The following GMDS variants were observed in gnomAD, a reference collection of about 807,000 sequenced individuals.
GMDS encodes GDP-mannose 4,6 dehydratase.
In GMDS, 20 loss-of-function variants were observed where a neutral mutation model predicts 49.9. The ratio of observed to expected loss-of-function variants is 0.40; its 90% CI spans 0.28 to 0.58. The LOEUF (loss-of-function observed/expected upper bound fraction) is 0.58. GMDS is among the 20% of genes least tolerant of loss of function. The pLI is 0.42. For synonymous variants in GMDS, 177 were observed against 178.6 expected, an observed-to-expected ratio of 0.99 and a Z score of 0.07; for missense variants, 362 against 481.4, an observed-to-expected ratio of 0.75 and a Z score of 2.32.
At chr6:1,953,778 C>G (rs932429399) in intron 6 of GMDS, among the ~76,000 whole-genome samples, 1 of 152,030 alleles carries the variant, frequency 6.6e-6, no homozygotes, top group South Asian at 2.1e-4. Flanking sequence ...TGGTAAATAA[C>G]ATATTTGAAA....
intron 7 of GMDS, among the ~76,000 whole-genome samples, chr6:1,860,426 G>A (rs1395335438): frequency 6.6e-6 from 1 of 152,102 alleles, no homozygotes; most frequent in Non-Finnish European, 1.5e-5. Flanking sequence ...AAAACATTAG[G>A]GCAGAAAACA....
chr6:1,667,736 G>T (rs1581433692), intron 9 of GMDS, among the ~76,000 whole-genome samples: 2 of 145,908 alleles, frequency 1.4e-5, no homozygotes, highest in East Asian at 2.0e-4. Context: ...CTTTTGTATT[G>T]TTTTGTAAGT....
At chr6:1,706,340 G>A (rs1213649294) in intron 9 of GMDS, among the ~76,000 whole-genome samples, 4 of 152,212 alleles carry the variant, frequency 2.6e-5, no homozygotes, top group Admixed American at 1.3e-4. Context: ...CACAGGCTTA[G>A]TGACTGATCA....
intron 7 of GMDS, among the ~76,000 whole-genome samples, chr6:1,891,865 T>G (rs2113841642): frequency 6.6e-6 from 1 of 152,260 alleles, no homozygotes; most frequent in African/African-American, 2.4e-5. Context: ...AGGGCTGAGG[T>G]CATATGACAA....
intron 8 of GMDS, among the ~76,000 whole-genome samples, chr6:1,732,448 C>A (rs1213121267): frequency 6.6e-6 from 1 of 152,110 alleles, no homozygotes; most frequent in Non-Finnish European, 1.5e-5. Context: ...TAAAACATAA[C>A]AATTGAGTAT....
At chr6:1,649,202 A>T (rs1763578121) in intron 9 of GMDS, among the ~76,000 whole-genome samples, 1 of 152,184 alleles carries the variant, frequency 6.6e-6, no homozygotes, top group Non-Finnish European at 1.5e-5. Flanking sequence ...ACTGTGATGT[A>T]CTGTCAGGAA....
At chr6:2,192,224 G>A (rs146134272) in intron 1 of GMDS, among the ~76,000 whole-genome samples, 175 of 152,156 alleles carry the variant, frequency 1.2e-3, no homozygotes, top group African/African-American at 3.7e-3. Context: ...CAGCTGCAGA[G>A]AGGAGCTACC....
At chr6:2,196,241 A>G (rs1436304379) in intron 1 of GMDS, among the ~76,000 whole-genome samples, 1 of 152,256 alleles carries the variant, frequency 6.6e-6, no homozygotes, top group Non-Finnish European at 1.5e-5. Context: ...TAAAACACGC[A>G]GATGCTATAT....
intron 9 of GMDS, among the ~76,000 whole-genome samples, chr6:1,709,881 C>G (rs564152523): frequency 9.2e-5 from 14 of 152,280 alleles, no homozygotes; most frequent in Admixed American, 7.8e-4. Flanking sequence ...TTGGGCTAAA[C>G]CTGCCTAACT....
At chr6:2,007,169 A>G (rs1767241719) in intron 4 of GMDS, among the ~76,000 whole-genome samples, 2 of 152,176 alleles carry the variant, frequency 1.3e-5, no homozygotes, top group Non-Finnish European at 2.9e-5. Flanking sequence ...AAAATACAGA[A>G]AAGTACCTCA....
intron 4 of GMDS, among the ~76,000 whole-genome samples, chr6:2,004,958 A>G (rs1767062472): frequency 6.6e-6 from 1 of 152,212 alleles, no homozygotes; most frequent in African/African-American, 2.4e-5. Flanking sequence ...CACAGTATCA[A>G]TCCACAGATT....
intron 4 of GMDS, among the ~76,000 whole-genome samples, chr6:2,000,005 T>TA (rs1554144082): frequency 4.9e-5 from 1 of 20,436 alleles, no homozygotes; most frequent in South Asian, 1.6e-3. Flanking sequence ...ATTATATATA[T>TA]ATATTTTTTA....
In GMDS at chr6:1,766,246, T is replaced by C. The variant is rs552343541; in HGVS notation, c.772-23660A>G. On this transcript the variant is annotated intron_variant, in intron 7 of 10. Coordinates refer to ENST00000380815, the MANE Select transcript of GMDS (RefSeq NM_001500.4). This position sits in a 1 kb window ranked among gnomAD's most constrained non-coding sequence, Gnocchi z 4.5. The stretch of plus-strand genomic sequence containing the variant: ...CAAGGAGAAGTTAGCTAATTTAAGC[T>C]GATGTGCATTGAGTCACTGGAAATT... Among the ~76,000 whole-genome samples the C allele has an allele frequency of 1.3e-5, 2 of 152,276 alleles. No individual in the cohort carries two copies. The highest frequency in any genetic ancestry group is 4.8e-5 in the African/African-American group (2 of 41,552).
intron 1 of GMDS, among the ~76,000 whole-genome samples, chr6:2,198,978 A>T (rs964793159): frequency 6.6e-5 from 10 of 152,214 alleles, no homozygotes; most frequent in Admixed American, 3.9e-4. Flanking sequence ...CCTTATATCA[A>T]GTGTTTGCCA....
At position 1,916,918 on chromosome 6, in the gene GMDS, G is replaced by A. The variant is rs565510821; in HGVS notation, c.771+13185C>T. Among the ~76,000 whole-genome samples, 8 of 150,976 alleles carry A rather than the reference G, an allele frequency of 5.3e-5. No homozygotes were observed. The East Asian group carries it at 7.8e-4, about 15-fold the overall frequency. On this transcript the variant is annotated intron_variant, in intron 7 of 10. Coordinates refer to ENST00000380815, the MANE Select transcript of GMDS (RefSeq NM_001500.4). Reference sequence around the variant, plus strand: ...TTTGAAGATAAGGATCAAATGAAACGACTTCTGTTAAACTTGTATTTCCTG... The same window carrying A: ...TTTGAAGATAAGGATCAAATGAAACAACTTCTGTTAAACTTGTATTTCCTG...
chr6:2,001,293 TG>T (rs1282944910), intron 4 of GMDS, among the ~76,000 whole-genome samples: 4 of 152,220 alleles, frequency 2.6e-5, no homozygotes, highest in African/African-American at 9.6e-5. Context: ...AAATCTTTTT[TG>T]GAGAAATGTT....
chr6:1,650,452 C>A (rs1327385917), intron 9 of GMDS, among the ~76,000 whole-genome samples: 1 of 152,150 alleles, frequency 6.6e-6, no homozygotes, highest in African/African-American at 2.4e-5. Context: ...TATTCCAGTC[C>A]GTTCAGATTC....
intron 1 of GMDS, among the ~76,000 whole-genome samples, chr6:2,202,435 AT>A (rs1327810656): frequency 4.4e-3 from 138 of 31,034 alleles, no homozygotes; most frequent in Middle Eastern, 0.011. Context: ...ATTTCTTTCT[AT>A]TTTTTTTTTT....
intron 7 of GMDS, among the ~76,000 whole-genome samples, chr6:1,899,293 T>TG (rs1482284518): frequency 2.0e-5 from 3 of 150,682 alleles, no homozygotes; most frequent in Non-Finnish European, 4.4e-5. Context: ...TTTTGATTTG[T>TG]GTTTTTTTTT....
Sources: gnomAD v4.1 joint callset for allele counts (sites outside exome capture counted in the v4.1 genomes callset) on GRCh38, gnomAD v4.1.1 for gene constraint, Gnocchi (gnomAD v3.1) non-coding constraint, MANE v1.5 for transcripts, NCBI Gene and HGNC (gene_info 2026-07-23, HGNC 2026-07-21) for gene names.